RGS6: variants seen among roughly 807,000 people sequenced by gnomAD.
RGS6 encodes the protein regulator of G-protein signaling 6.
In RGS6, 30 loss-of-function variants were observed where a neutral mutation model predicts 78.5. The ratio of observed to expected loss-of-function variants is 0.38; its 90% CI spans 0.29 to 0.52. RGS6 has a LOEUF of 0.52. Ranked by LOEUF, RGS6 falls within the 20% of genes least tolerant of loss-of-function variation. The pLI, the probability that RGS6 is intolerant of heterozygous loss-of-function variation, is 0.85. For synonymous variants in RGS6, 206 were observed against 206.0 expected (o/e 1.00, Z 0.00); for missense variants, 495 against 609.7 (o/e 0.81, Z 1.98).
At chr14:71,932,168 G>A (rs1024733551), upstream of RGS6, among the ~76,000 whole-genome samples, 4 of 152,212 alleles carry the variant, frequency 2.6e-5, no homozygotes, top group East Asian at 1.9e-4. Flanking sequence ...TTGAGGATGA[G>A]GCATTTCTAG....
intron 2 of RGS6, among the ~76,000 whole-genome samples, chr14:72,155,240 CTG>C (rs1489416688): frequency 6.6e-6 from 1 of 152,208 alleles, no homozygotes; most frequent in African/African-American, 2.4e-5. Context: ...CAAATCCAAA[CTG>C]TGACATTGTC....
intron 2 of RGS6, among the ~76,000 whole-genome samples, chr14:72,034,524 T>A (rs2091400031): frequency 6.6e-6 from 1 of 152,126 alleles, no homozygotes; most frequent in Non-Finnish European, 1.5e-5. Flanking sequence ...ATATCCCACT[T>A]GGTCATGATG....
At chr14:72,315,559 T>A (rs2069909496) in intron 2 of RGS6, among the ~76,000 whole-genome samples, 1 of 152,238 alleles carries the variant, frequency 6.6e-6, no homozygotes, top group African/African-American at 2.4e-5. Flanking sequence ...GGGAATCTTT[T>A]ATTTTTAGCA....
chr14:72,541,175 C>T, intron 17 of RGS6: 1 of 1,385,412 alleles, frequency 7.2e-7, no homozygotes, highest in Non-Finnish European at 9.5e-7. Flanking sequence ...TTGATATTGA[C>T]TTGCCTTTGT....
chr14:72,296,276 G>T lies in RGS6; in HGVS notation c.85-55819G>T, dbSNP rs774935455. ...CCATTCTCCTGTTTATGGACACTTGGAATGTCTAAAAGCTGCCATGAAAAG... is the reference window on the plus strand; with the variant it reads ...CCATTCTCCTGTTTATGGACACTTGTAATGTCTAAAAGCTGCCATGAAAAG... On this transcript the variant is annotated intron_variant, in intron 2 of 17. Transcript: ENST00000553525. 6.6e-5 allele frequency among the ~76,000 whole-genome samples: 10 copies of T among 152,272 alleles called. No homozygotes were observed. In the South Asian group the frequency reaches 1.0e-3, roughly 16 times the overall value.
chr14:72,173,571 A>G (rs908181252), intron 2 of RGS6, among the ~76,000 whole-genome samples: 5 of 152,104 alleles, frequency 3.3e-5, no homozygotes, highest in Non-Finnish European at 7.4e-5. Context: ...TCATGACACA[A>G]CACGTTTTTC....
intron 2 of RGS6, among the ~76,000 whole-genome samples, chr14:71,998,086 A>G (rs1032062693): frequency 1.3e-5 from 2 of 152,186 alleles, no homozygotes; most frequent in Non-Finnish European, 2.9e-5. Flanking sequence ...ATGAGACATC[A>G]ATCAATGTAT....
chr14:72,179,347 T>C (rs942456407), intron 2 of RGS6, among the ~76,000 whole-genome samples: 1 of 152,210 alleles, frequency 6.6e-6, no homozygotes, highest in Non-Finnish European at 1.5e-5. Context: ...CTAGATTTCA[T>C]GTCTCAACAA....
intron 13 of RGS6, among the ~76,000 whole-genome samples, chr14:72,508,172 G>T (rs1555445202): frequency 6.6e-6 from 1 of 152,160 alleles, no homozygotes; most frequent in Non-Finnish European, 1.5e-5. Context: ...ATGCAGAGTT[G>T]CAAGCCAGAG....
intron 2 of RGS6, among the ~76,000 whole-genome samples, chr14:72,268,464 T>C (rs1429211817): frequency 6.6e-6 from 1 of 152,216 alleles, no homozygotes; most frequent in Admixed American, 6.5e-5. Context: ...TGTCTCAGCC[T>C]GAGGGAAATG....
intron 3 of RGS6, among the ~76,000 whole-genome samples, chr14:72,431,130 A>G (rs558109197): frequency 3.7e-4 from 56 of 152,330 alleles, no homozygotes; most frequent in African/African-American, 1.3e-3. Context: ...CTAGGATCTT[A>G]CAGTACACTT....
chr14:72,058,959 A>G (rs886866651), intron 2 of RGS6, among the ~76,000 whole-genome samples: 1 of 152,114 alleles, frequency 6.6e-6, no homozygotes, highest in Non-Finnish European at 1.5e-5. Flanking sequence ...GATGGAGTAC[A>G]GTGGTGTGAT....
At position 72,476,745 on chromosome 14, in the gene RGS6, G is replaced by A. The variant is rs141922821; in HGVS notation, c.697G>A (p.Val233Met). The change falls in exon 11 of 18, where the codon GTG (valine) becomes ATG (methionine). Residue 233 changes from valine (V) to methionine (M), a missense_variant. Coordinates refer to ENST00000553525, the MANE Select transcript of RGS6 (RefSeq NM_001204424.2). The part of the protein sequence containing the change: ...LKNPQKVKKS[V>M]YGVTEESQAQ... ...CTGTGCTTGCTTCTTCTCCTAGTCC[G>A]TGTATGGCGTGACTGAAGAGTCCCA... 44 of 1,613,920 alleles carry A rather than the reference G, an allele frequency of 2.7e-5. No homozygotes were observed. In the African/African-American group the frequency reaches 2.9e-4, roughly 11 times the overall value.
chr14:72,299,888 T>C (rs2065685533), intron 2 of RGS6, among the ~76,000 whole-genome samples: 1 of 152,236 alleles, frequency 6.6e-6, no homozygotes. Flanking sequence ...TCTCTCGTTT[T>C]TTTCTTAATG....
intron 2 of RGS6, among the ~76,000 whole-genome samples, chr14:72,217,656 G>T (rs1201077979): frequency 6.6e-6 from 1 of 152,186 alleles, no homozygotes; most frequent in East Asian, 1.9e-4. Flanking sequence ...CTTACCCTGA[G>T]GTAGCAATAC....
At chr14:72,214,315 C>T (rs1447812796) in intron 2 of RGS6, among the ~76,000 whole-genome samples, 1 of 151,834 alleles carries the variant, frequency 6.6e-6, no homozygotes, top group African/African-American at 2.4e-5. Flanking sequence ...TAGCTGGGAC[C>T]AAAGGCACGT....
At position 72,563,340 on chromosome 14, in the gene RGS6, A is replaced by G. The variant is rs144701094; in HGVS notation, c.*873A>G. On this transcript the variant is annotated 3_prime_UTR_variant, in exon 18 of 18. Transcript: ENST00000553525. ...TTACTCAAAATAAACATGGCCATGA[A>G]CTCAGGGGCCATTGGGATTCTCCCC... The G allele has an allele frequency of 5.0e-4, 76 of 153,344 alleles. 1 individual carries two copies. The East Asian group carries it at 0.012, about 25-fold the overall frequency. 9.5% of individuals were successfully genotyped at this position (153,344 alleles called of 1,614,324 possible).
At chr14:72,200,171 T>C (rs1218777165) in intron 2 of RGS6, among the ~76,000 whole-genome samples, 1 of 152,228 alleles carries the variant, frequency 6.6e-6, no homozygotes, top group Non-Finnish European at 1.5e-5. Flanking sequence ...AATAAGGGAA[T>C]CTAGTCTATT....
intron 17 of RGS6, among the ~76,000 whole-genome samples, chr14:72,556,694 G>T (rs1283347860): frequency 2.3e-5 from 3 of 128,670 alleles, no homozygotes; most frequent in Non-Finnish European, 3.2e-5. Context: ...GGGGGGCGGG[G>T]TGGGGGGTGC....
Sources: allele counts gnomAD v4.1 joint callset (sites outside exome capture counted in the v4.1 genomes callset), GRCh38; gene constraint gnomAD v4.1.1; transcripts MANE v1.5; gene names NCBI Gene and HGNC (gene_info 2026-07-23, HGNC 2026-07-21).